The following MYH11 variants were observed in gnomAD, a reference collection of about 807,000 sequenced individuals.
MYH11 encodes myosin heavy chain 11.
MYH11 carries 80 observed loss-of-function variants against 246.6 expected under a neutral mutation model. That is an observed-to-expected ratio of 0.32 (90% CI 0.27 to 0.39). The LOEUF is 0.39. Among genes scored for constraint, MYH11 ranks in the 10% least tolerant of loss-of-function variants. The pLI is 1.00. For missense variants in MYH11, 2,158 were observed against 2,546.8 expected, an observed-to-expected ratio of 0.85 and a Z score of 3.29; for synonymous variants, 1,071 against 1,015.5, an observed-to-expected ratio of 1.05 and a Z score of -1.04.
chr16:15,756,466 G>A lies in MYH11; in HGVS notation c.1624C>T (p.Pro542Ser). 6.2e-7 allele frequency: 1 copy of A among 1,614,164 alleles called. No homozygotes were observed. Among genetic ancestry groups the A allele is most frequent in the Non-Finnish European group, 8.5e-7 (1 of 1,180,050 alleles). ...LALLDEECWF[P>S]KATDKSFVEK... Reference sequence around the variant, plus strand: ...ACGAAAGACTTGTCCGTGGCTTTGGGGAACCAGCATTCCTCGTCCAGCAGG... The same window carrying A: ...ACGAAAGACTTGTCCGTGGCTTTGGAGAACCAGCATTCCTCGTCCAGCAGG... The change falls in exon 14 of 41, where the codon CCC becomes TCC. Residue 542 changes from proline to serine, a missense_variant. Pro to Ser is a moderately conservative substitution (Grantham distance 74). Coordinates refer to ENST00000300036, the MANE Select transcript of MYH11 (RefSeq NM_002474.3).
chr16:15,838,274 G>A lies in MYH11; in HGVS notation c.-17-5C>T. On this transcript the variant is annotated splice_polypyrimidine_tract_variant and splice_region_variant and intron_variant, in intron 1 of 40. Coordinates refer to ENST00000300036, the MANE Select transcript of MYH11 (RefSeq NM_002474.3). ...CCATGGTGCCTTGTTGGTCCCCTGT[G>A]GAATAAGGTAACAGGGTCAGAATCA... 3 of 1,609,714 alleles carry A rather than the reference G, an allele frequency of 1.9e-6. No individual in the cohort carries two copies. Among genetic ancestry groups the A allele is most frequent in the Non-Finnish European group, 1.7e-6 (2 of 1,176,410 alleles).
chr16:15,704,232 ATTT>A, intron 40 of MYH11, 109 bp from the exon 41 acceptor site: 1 of 1,349,806 alleles, frequency 7.4e-7, no homozygotes, highest in Non-Finnish European at 1.0e-6. Flanking sequence ...TGCAATATAA[ATTT>A]TTTTTATGGC....
rs946495294 is a variant in MYH11, at chr16:15,750,928, G to A, written c.1865-597C>T. ...AAAAATAAAAATAGGGTAAAGCGGAGAGAGAGTGAAGAGGGTGCTCTCTTA... is the reference window on the plus strand; with the variant it reads ...AAAAATAAAAATAGGGTAAAGCGGAAAGAGAGTGAAGAGGGTGCTCTCTTA... On this transcript the variant is annotated intron_variant, in intron 15 of 40. Coordinates refer to ENST00000300036, the MANE Select transcript of MYH11 (RefSeq NM_002474.3). This position sits in a 1 kb window ranked among gnomAD's most constrained non-coding sequence, Gnocchi z 4.3. Among the ~76,000 whole-genome samples, 2 of 152,056 alleles carry A rather than the reference G, an allele frequency of 1.3e-5. No homozygotes were observed. Among genetic ancestry groups the A allele is most frequent in the Admixed American group, 1.3e-4 (2 of 15,256 alleles).
At chr16:15,812,123 G>A (rs2043151590) in intron 3 of MYH11, among the ~76,000 whole-genome samples, 1 of 152,162 alleles carries the variant, frequency 6.6e-6, no homozygotes, top group South Asian at 2.1e-4. Context: ...GATTGAGGGG[G>A]ATCCCTGTGG....
chr16:15,819,871 T>C (rs931754032), intron 3 of MYH11, among the ~76,000 whole-genome samples: 2 of 152,170 alleles, frequency 1.3e-5, no homozygotes, highest in African/African-American at 4.8e-5. Flanking sequence ...TATTCTTCAA[T>C]GACTACAAGA....
Position 15,705,984 on chromosome 16 carries a change from C to CAAAAAAAAAAAAAA in MYH11, c.5787-1875_5787-1862dup, listed in dbSNP as rs57451847. Among the ~76,000 whole-genome samples the CAAAAAAAAAAAAAA allele has an allele frequency of 8.5e-3, 481 of 56,738 alleles. 117 individuals carry two copies. Among genetic ancestry groups the CAAAAAAAAAAAAAA allele is most frequent in the African/African-American group, 0.05 (441 of 8,898 alleles). 37.2% of individuals were successfully genotyped at this position (56,738 alleles called of 152,430 possible). A position where few individuals can be genotyped will look rare whatever the true frequency, so the allele number is the denominator to read the frequency against. On this transcript the variant is annotated intron_variant, in intron 40 of 40. Transcript: ENST00000300036. ...TAGGCGACAGGGTGAGACTCCGTCT[C>CAAAAAAAAAAAAAA]AAAAAAAAAAAAAAAAAAAAATCAA...
At chr16:15,717,785 C>A (rs1035155989) in intron 37 of MYH11, 3 of 265,366 alleles carry the variant, frequency 1.1e-5, no homozygotes, top group Non-Finnish European at 2.2e-5. Flanking sequence ...CACAGAGAGA[C>A]CCTGTCTCCA....
chr16:15,727,087 G>A (rs968843427), intron 27 of MYH11, 33 bp from the exon 28 acceptor site: 3 of 1,605,824 alleles, frequency 1.9e-6, no homozygotes, highest in Non-Finnish European at 8.5e-7. Flanking sequence ...GGGATAACAG[G>A]GAGGCTGTGG....
At chr16:15,759,461 C>A in intron 12 of MYH11, 115 bp downstream of exon 12, 1 of 1,343,528 alleles carries the variant, frequency 7.4e-7, no homozygotes, top group Non-Finnish European at 1.1e-6. Flanking sequence ...AACTAGACAG[C>A]CTCCTACCCT....
At chr16:15,760,695 A>G (rs921064021) in intron 10 of MYH11, 37 bp from the exon 11 acceptor site, 3 of 1,354,978 alleles carry the variant, frequency 2.2e-6, no homozygotes, top group Non-Finnish European at 3.2e-6. Flanking sequence ...GTGCATCACA[A>G]AAGAAATAGC....
chr16:15,786,260 G>C, intron 5 of MYH11: 1 of 388,586 alleles, frequency 2.6e-6, no homozygotes, highest in Non-Finnish European at 4.9e-6. Flanking sequence ...TCGAGGCCAG[G>C]GATGTTGTGA....
At chr16:15,763,760 C>CCCCAAAAAA in intron 10 of MYH11, 36 bp downstream of exon 10, 7 of 1,192,078 alleles carry the variant, frequency 5.9e-6, no homozygotes, top group African/African-American at 1.5e-5. Context: ...CCCCCAACCC[C>CCCCAAAAAA]AAAGTCATTG....
chr16:15,717,347 G>A lies in MYH11; in HGVS notation c.5297C>T (p.Ala1766Val), dbSNP rs756955009. The A allele has an allele frequency of 4.4e-6, 7 of 1,605,704 alleles. No homozygotes were observed. The African/African-American group carries it at 9.3e-5, about 21-fold the overall frequency. Residue 1766 changes from alanine to valine, a missense_variant and splice_region_variant, in exon 38 of 41, where the codon GCC becomes GTC. Ala to Val is a moderately conservative substitution (Grantham distance 64). Transcript: ENST00000300036. ...GGCCAGCTCGTTGCTGAGCTGCTCG[G>A]CCTGGGGAGGAGAGTGAAGGCCATG... ...SDRVRKATQQ[A>V]EQLSNELATE...
chr16:15,741,613 A>G lies in MYH11; in HGVS notation c.2709T>C (p.Tyr903=). The change falls in exon 22 of 41, where the codon TAT becomes TAC. Residue 903 remains tyrosine, a synonymous_variant. Transcript: ENST00000300036. ...GCACCCGCATCTCCTCAGCCTCTGC[A>G]TACAGCTCTGTCTCTGCCTGCAGCT... The part of the protein sequence containing the change: ...QEQLQAETEL[Y]AEAEEMRVRL... The G allele has an allele frequency of 1.9e-6, 3 of 1,613,162 alleles. No homozygotes were observed. In the African/African-American group the frequency reaches 4.0e-5, roughly 22 times the overall value.
At chr16:15,717,014 T>C in intron 38 of MYH11, 126 bp downstream of exon 38, 1 of 1,015,708 alleles carries the variant, frequency 9.8e-7, no homozygotes, top group Non-Finnish European at 1.6e-6. Context: ...ACCTGCACTG[T>C]AGGCATCACA....
At chr16:15,738,429 C>T in intron 24 of MYH11, 136 bp downstream of exon 24, 1 of 779,900 alleles carries the variant, frequency 1.3e-6, no homozygotes, top group Non-Finnish European at 2.0e-6. Context: ...AGGAGGATCA[C>T]TGGAGCTTAG....
At chr16:15,831,284 G>A (rs2043729002) in intron 2 of MYH11, among the ~76,000 whole-genome samples, 2 of 152,118 alleles carry the variant, frequency 1.3e-5, no homozygotes, top group South Asian at 2.1e-4. Context: ...AACGAAGGGG[G>A]AAGTTCTATA....
chr16:15,771,245 C>T (rs1426302019), intron 9 of MYH11, among the ~76,000 whole-genome samples: 4 of 151,896 alleles, frequency 2.6e-5, no homozygotes, highest in Non-Finnish European at 4.4e-5. Flanking sequence ...AGTGATCCGC[C>T]CACCTTGGCC....
rs1301509986 is a variant in MYH11, at chr16:15,756,961, G to T, written c.1576-447C>A. On this transcript the variant is annotated intron_variant, in intron 13 of 40. Coordinates refer to ENST00000300036, the MANE Select transcript of MYH11 (RefSeq NM_002474.3). ...CTACAGGCGCCTGCCACGGCGCCCG[G>T]CTGATTTTTTCTATTTTTAGTAGAG... Among the ~76,000 whole-genome samples, 4 of 151,532 alleles carry T rather than the reference G, an allele frequency of 2.6e-5. No individual in the cohort carries two copies. In the South Asian group the frequency reaches 8.4e-4, roughly 32 times the overall value.
Sources: gnomAD v4.1 joint callset for allele counts (sites outside exome capture counted in the v4.1 genomes callset) on GRCh38, gnomAD v4.1.1 for gene constraint, Gnocchi (gnomAD v3.1) non-coding constraint, MANE v1.5 for transcripts, NCBI Gene and HGNC (gene_info 2026-07-23, HGNC 2026-07-21) for gene names.